The following PI4K2B variants were observed in gnomAD, a reference collection of about 807,000 sequenced individuals.
PI4K2B encodes the protein phosphatidylinositol 4-kinase type 2-beta.
A neutral mutation model predicts 56.6 loss-of-function variants in PI4K2B; 46 were observed. That is an observed-to-expected ratio of 0.81 (90% confidence interval 0.64 to 1.04). The LOEUF is 1.04. PI4K2B is among the 50% of genes least tolerant of loss of function. PI4K2B has a pLI of 0.00. For missense variants in PI4K2B, 556 were observed against 607.7 expected (o/e 0.91, Z 0.89); for synonymous variants, 211 against 223.8 (o/e 0.94, Z 0.51).
At chr4:25,237,526 C>T (rs1715318018) in intron 1 of PI4K2B, among the ~76,000 whole-genome samples, 1 of 152,158 alleles carries the variant, frequency 6.6e-6, no homozygotes, top group African/African-American at 2.4e-5. Context: ...AGGCACATGC[C>T]TGGCTAATTT....
At position 25,278,164 on chromosome 4, in the gene PI4K2B, A is replaced by G. The variant is rs1396799007; in HGVS notation, c.*977A>G. The G allele has an allele frequency of 6.6e-6, 1 of 152,208 alleles. No individual in the cohort carries two copies. The highest frequency in any genetic ancestry group is 1.9e-4 in the East Asian group (1 of 5,206). The allele number at this position is 152,208 out of a possible 1,614,324, so 9.4% of individuals were successfully genotyped here. A position where few individuals can be genotyped will look rare whatever the true frequency, so the allele number is the denominator to read the frequency against. ...TTATAATTACAGTCAAATGTAGACT[A>G]TCAGGCCAAATTAAAGGGGAGCATG... On this transcript the variant is annotated 3_prime_UTR_variant, in exon 10 of 10. Coordinates refer to ENST00000264864, the MANE Select transcript of PI4K2B (RefSeq NM_018323.4).
At chr4:25,239,725 GGGCGCCGAGGCCGAGGA>G (rs1715434233) in intron 1 of PI4K2B, among the ~76,000 whole-genome samples, 1 of 152,238 alleles carries the variant, frequency 6.6e-6, no homozygotes, top group Admixed American at 6.5e-5. Flanking sequence ...CGGCCAGAGT[GGGCGCCGAGGCCGAGGA>G]GGCGCCGAGA....
At position 25,278,047 on chromosome 4, in the gene PI4K2B, A is replaced by C. The variant is rs1445915033; in HGVS notation, c.*860A>C. ...TCACTAAAAAGTAAACCATACTCCAAATTGTATATTGGATTGCATTTTGGG... is the reference window on the plus strand; with the variant it reads ...TCACTAAAAAGTAAACCATACTCCACATTGTATATTGGATTGCATTTTGGG... On this transcript the variant is annotated 3_prime_UTR_variant, in exon 10 of 10. Coordinates refer to ENST00000264864, the MANE Select transcript of PI4K2B (RefSeq NM_018323.4). 1 of 152,088 alleles carries C rather than the reference A, an allele frequency of 6.6e-6. No homozygotes were observed. Among genetic ancestry groups the C allele is most frequent in the Non-Finnish European group, 1.5e-5 (1 of 67,988 alleles). 9.4% of individuals were successfully genotyped at this position (152,088 alleles called of 1,614,324 possible).
intron 2 of PI4K2B, among the ~76,000 whole-genome samples, chr4:25,253,026 C>A (rs1716125889): frequency 6.6e-6 from 1 of 152,190 alleles, no homozygotes; most frequent in Non-Finnish European, 1.5e-5. Context: ...TTATTGAATA[C>A]CCACATTCAG....
intron 1 of PI4K2B, among the ~76,000 whole-genome samples, chr4:25,243,367 C>A (rs1032585049): frequency 2.6e-5 from 4 of 152,202 alleles, no homozygotes; most frequent in Non-Finnish European, 5.9e-5. Flanking sequence ...TTTTTTAAAG[C>A]ATCCTAGTAA....
chr4:25,272,144 TAA>T (rs35829522), intron 9 of PI4K2B, among the ~76,000 whole-genome samples: 3 of 141,572 alleles, frequency 2.1e-5, no homozygotes, highest in Non-Finnish European at 1.6e-5. Context: ...GACCTTGTCT[TAA>T]AAAAAAAAAA....
chr4:25,247,476 C>T (rs1288876690), intron 1 of PI4K2B, among the ~76,000 whole-genome samples: 4 of 152,230 alleles, frequency 2.6e-5, no homozygotes, highest in African/African-American at 9.6e-5. Flanking sequence ...CCTGCCCTAT[C>T]CTCTTACAGC....
At chr4:25,234,646 A>G (rs1025349867) in intron 1 of PI4K2B, among the ~76,000 whole-genome samples, 2 of 152,222 alleles carry the variant, frequency 1.3e-5, no homozygotes, top group Admixed American at 1.3e-4. Flanking sequence ...TCCTAAGGCC[A>G]GTGGTTGTCA....
At chr4:25,242,024 C>T (rs540655528) in intron 1 of PI4K2B, among the ~76,000 whole-genome samples, 30 of 152,230 alleles carry the variant, frequency 2.0e-4, no homozygotes, top group Admixed American at 1.6e-3. Context: ...CAGCAAAAGC[C>T]GGTAATTCCA....
intron 9 of PI4K2B, among the ~76,000 whole-genome samples, chr4:25,275,965 A>G (rs1381318634): frequency 6.6e-6 from 1 of 152,202 alleles, no homozygotes; most frequent in Non-Finnish European, 1.5e-5. Context: ...CAATCAATCA[A>G]TCAACCAACC....
At position 25,261,436 on chromosome 4, in the gene PI4K2B, A is replaced by G. The variant is rs182855984; in HGVS notation, c.978+845A>G. Among the ~76,000 whole-genome samples, 7 of 152,106 alleles carry G rather than the reference A, an allele frequency of 4.6e-5. No homozygotes were observed. In the East Asian group the frequency reaches 7.7e-4, roughly 17 times the overall value. On this transcript the variant is annotated intron_variant, in intron 6 of 9. Transcript: ENST00000264864. ...TGAGTACCAAGTTGAAGTTTTAGAT[A>G]TTTACATAAGATTTTTTTTATAAAA...
At chr4:25,251,545 G>A (rs1236498429) in intron 1 of PI4K2B, among the ~76,000 whole-genome samples, 3 of 152,244 alleles carry the variant, frequency 2.0e-5, no homozygotes, top group Non-Finnish European at 2.9e-5. Flanking sequence ...TTCCAGTGAC[G>A]TGGGGGAGCA....
chr4:25,270,622 A>T (rs1271030992), intron 9 of PI4K2B, among the ~76,000 whole-genome samples: 1 of 152,162 alleles, frequency 6.6e-6, no homozygotes, highest in Non-Finnish European at 1.5e-5. Flanking sequence ...CTAGGATTAC[A>T]GGTGTGTGCC....
At position 25,259,095 on chromosome 4, in the gene PI4K2B, A is replaced by G. The variant is rs568117495; in HGVS notation, c.815A>G (p.Lys272Arg). The stretch of plus-strand genomic sequence containing the variant: ...AAGGAGGCTGAATATTGGCTTAGGA[A>G]ATTTGAAGCTGACCCTTTGCCTGAG... ...GYKEAEYWLR[K>R]FEADPLPENI... Residue 272 changes from lysine to arginine, a missense_variant, in exon 5 of 10, where the codon AAA becomes AGA. Transcript: ENST00000264864. 2 of 1,591,312 alleles carry G rather than the reference A, an allele frequency of 1.3e-6. No homozygotes were observed. The highest frequency in any genetic ancestry group is 1.7e-5 in the Admixed American group (1 of 59,736).
intron 5 of PI4K2B, among the ~76,000 whole-genome samples, chr4:25,260,149 A>G (rs1450024727): frequency 1.3e-5 from 2 of 152,196 alleles, no homozygotes; most frequent in Non-Finnish European, 2.9e-5. Context: ...ACATGAGGTG[A>G]GCCTGCTTAG....
intron 1 of PI4K2B, among the ~76,000 whole-genome samples, chr4:25,246,547 C>T (rs1031256997): frequency 2.0e-5 from 3 of 152,250 alleles, no homozygotes; most frequent in African/African-American, 4.8e-5. Flanking sequence ...GACTCAAGAG[C>T]CCAGCTGGCT....
At chr4:25,260,463 T>G in intron 5 of PI4K2B, 61 bp from the exon 6 acceptor site, 1 of 661,424 alleles carries the variant, frequency 1.5e-6, no homozygotes, top group Non-Finnish European at 2.5e-6. Flanking sequence ...GTTTTCTCAT[T>G]GATATTAAGC....
chr4:25,263,820 CT>C lies in PI4K2B; in HGVS notation c.1053del (p.Phe351LeufsTer28). The C allele has an allele frequency of 1.3e-6, 2 of 1,502,394 alleles. No homozygotes were observed. Among genetic ancestry groups the C allele is most frequent in the Non-Finnish European group, 1.9e-6 (2 of 1,080,802 alleles). The allele number at this position is 1,502,394 out of a possible 1,614,324, so 93.1% of individuals were successfully genotyped here. ...IAAIDNGLAF[P>X]FKHPDEWRAY... ...GCAATTGATAATGGTCTAGCATTTCCTTTTAAACATCCTGATGAATGGAGAG... is the reference window on the plus strand; with the variant it reads ...GCAATTGATAATGGTCTAGCATTTCCTTTAAACATCCTGATGAATGGAGAG... On this transcript the variant is annotated frameshift_variant, in exon 7 of 10. Transcript: ENST00000264864. LOFTEE classifies it high-confidence loss of function.
intron 1 of PI4K2B, among the ~76,000 whole-genome samples, chr4:25,239,622 C>A (rs1380711583): frequency 6.6e-6 from 1 of 152,230 alleles, no homozygotes; most frequent in Non-Finnish European, 1.5e-5. Context: ...TCCCTCCACA[C>A]CTCCCCACAA....
Sources: allele counts gnomAD v4.1 joint callset (sites outside exome capture counted in the v4.1 genomes callset), GRCh38; gene constraint gnomAD v4.1.1; transcripts MANE v1.5; gene names NCBI Gene and HGNC (gene_info 2026-07-23, HGNC 2026-07-21).